Variants in PML observed in about 807,000 individuals in gnomAD.
The protein encoded by PML is PML nuclear body scaffold, also known as protein PML.
PML carries 28 observed loss-of-function variants against 65.2 expected under a neutral mutation model. The observed-to-expected ratio is 0.43, with a 90% CI of 0.32 to 0.59. The LOEUF is 0.59. PML is among the 20% of genes least tolerant of loss of function. PML has a pLI of 0.08. For missense variants in PML, 1,021 were observed against 1,203.4 expected (o/e 0.85, Z 2.24); for synonymous variants, 500 against 508.8 (o/e 0.98, Z 0.23).
chr15:74,024,998 G>A (rs997786776), intron 4 of PML, 71 bp downstream of exon 4: 19 of 975,642 alleles, frequency 1.9e-5, no homozygotes, highest in Non-Finnish European at 3.0e-5. Flanking sequence ...GAGTCCTGCT[G>A]TCCCTGTGTG....
intron 2 of PML, among the ~76,000 whole-genome samples, chr15:74,016,574 T>C (rs1038634430): frequency 6.6e-6 from 1 of 152,026 alleles, no homozygotes; most frequent in Non-Finnish European, 1.5e-5. Flanking sequence ...TAGAATTGAT[T>C]ATAGAAAGTT....
At position 74,023,002 on chromosome 15, in the gene PML, G is replaced by T. The variant is rs756751960; in HGVS notation, c.777G>T (p.Ala259=). 1 of 1,608,932 alleles carries T rather than the reference G, an allele frequency of 6.2e-7. No homozygotes were observed. Among genetic ancestry groups the T allele is most frequent in the Non-Finnish European group, 8.5e-7 (1 of 1,178,794 alleles). ...ATAGTGCCTTTGGCGCGGTTCACGC[G>T]CAGATGCACGCGGCCGTCGGCCAGC... is the stretch of plus-strand genomic sequence containing the variant. ...EQDSAFGAVH[A]QMHAAVGQLG... is the part of the protein sequence containing the mutation. The change falls in exon 3 of 9, where the codon GCG becomes GCT. Residue 259 remains alanine, a synonymous_variant. Coordinates refer to ENST00000268058, the MANE Select transcript of PML (RefSeq NM_033238.3).
Position 73,994,951 on chromosome 15 carries a change from G to C in PML, c.129+10G>C. 1 of 1,531,766 alleles carries C rather than the reference G, an allele frequency of 6.5e-7. No individual in the cohort carries two copies. The highest frequency in any genetic ancestry group is 8.8e-7 in the Non-Finnish European group (1 of 1,136,684). 94.9% of individuals were successfully genotyped at this position (1,531,766 alleles called of 1,614,324 possible). The stretch of plus-strand genomic sequence containing the variant: ...CCCCAGCCCTACAGAGGTACTATTG[G>C]GTTAGGGGATGATGGGGTTAAGCTT... On this transcript the variant is annotated intron_variant, in intron 1 of 8. Coordinates refer to ENST00000268058, the MANE Select transcript of PML (RefSeq NM_033238.3).
rs547285210 is a variant in PML, at chr15:74,046,812, A to C, written c.*1804A>C. 1.3e-5 allele frequency: 3 copies of C among 231,252 alleles called. No homozygotes were observed. Among genetic ancestry groups the C allele is most frequent in the African/African-American group, 6.6e-5 (3 of 45,356 alleles). 14.3% of individuals were successfully genotyped at this position (231,252 alleles called of 1,614,324 possible). Reference sequence around the variant, plus strand: ...CACAGACTCTGCTCAGCATCCCCAGAGGAACCACTGAGAAGCCTTTTGCCT... The same window carrying C: ...CACAGACTCTGCTCAGCATCCCCAGCGGAACCACTGAGAAGCCTTTTGCCT... On this transcript the variant is annotated 3_prime_UTR_variant, in exon 9 of 9. Transcript: ENST00000268058.
chr15:74,046,787 C>T lies in PML; in HGVS notation c.*1779C>T, dbSNP rs532226910. ...AATCTTGAAAGCCTGATGCTCCAAT[C>T]ACAGACTCTGCTCAGCATCCCCAGA... On this transcript the variant is annotated 3_prime_UTR_variant, in exon 9 of 9. Coordinates refer to ENST00000268058, the MANE Select transcript of PML (RefSeq NM_033238.3). 1 of 231,462 alleles carries T rather than the reference C, an allele frequency of 4.3e-6. No homozygotes were observed. Among genetic ancestry groups the T allele is most frequent in the South Asian group, 1.8e-4 (1 of 5,504 alleles). 14.3% of individuals were successfully genotyped at this position (231,462 alleles called of 1,614,324 possible).
intron 4 of PML, among the ~76,000 whole-genome samples, chr15:74,031,898 G>A (rs1229070385): frequency 2.0e-5 from 3 of 152,180 alleles, no homozygotes; most frequent in Admixed American, 6.5e-5. Flanking sequence ...ACCATATGAG[G>A]TAGATGTTAT....
chr15:74,008,474 C>T (rs1187666000), intron 2 of PML, among the ~76,000 whole-genome samples: 1 of 151,636 alleles, frequency 6.6e-6, no homozygotes, highest in Non-Finnish European at 1.5e-5. Flanking sequence ...CGTGGTGGCT[C>T]ACGCCTGTAA....
chr15:74,035,484 C>T lies in PML; in HGVS notation c.1710+954C>T. ...CCGCCTTCGCCATGCCCTCCGCTTGCACCCTCAATTGCATCGGGCCCCTAT... is the reference window on the plus strand; with the variant it reads ...CCGCCTTCGCCATGCCCTCCGCTTGTACCCTCAATTGCATCGGGCCCCTAT... On this transcript the variant is annotated intron_variant, in intron 7 of 8. Transcript: ENST00000268058. The surrounding 1 kb of genome is among the most constrained non-coding windows in gnomAD (Gnocchi z 4.1). 1 of 1,612,470 alleles carries T rather than the reference C, an allele frequency of 6.2e-7. No individual in the cohort carries two copies.
In PML at chr15:74,044,447, G is replaced by C; in HGVS notation, c.2088G>C (p.Arg696Ser). The C allele has an allele frequency of 1.2e-6, 2 of 1,614,208 alleles. No homozygotes were observed. Among genetic ancestry groups the C allele is most frequent in the Non-Finnish European group, 1.7e-6 (2 of 1,180,022 alleles). ...TCCGGGCCCTGGAGGACATTAACAG[G>C]CTGTGGGAATTCCAGGAGGCCATCT... ...NFFRALEDIN[R>S]LWEFQEAISG... Residue 696 changes from arginine (R) to serine (S), a missense_variant, in exon 9 of 9, where the codon AGG becomes AGC. Transcript: ENST00000268058.
At chr15:74,029,706 A>G (rs1332601649) in intron 4 of PML, among the ~76,000 whole-genome samples, 1 of 152,236 alleles carries the variant, frequency 6.6e-6, no homozygotes, top group Non-Finnish European at 1.5e-5. Flanking sequence ...TTTCTATTCT[A>G]TACTATTATT....
At chr15:74,018,117 C>T (rs1430542352) in intron 2 of PML, among the ~76,000 whole-genome samples, 2 of 151,366 alleles carry the variant, frequency 1.3e-5, no homozygotes, top group East Asian at 3.9e-4. Flanking sequence ...ATCAGGAGTT[C>T]GAGACCAGCC....
At chr15:74,036,171 C>A in intron 7 of PML, 1 of 1,601,964 alleles carries the variant, frequency 6.2e-7, no homozygotes, top group South Asian at 1.1e-5. Flanking sequence ...GGCTGAGATT[C>A]AAGCCACCAT....
At position 74,035,486 on chromosome 15, in the gene PML, C is replaced by A. The variant is rs1194128367; in HGVS notation, c.1710+956C>A. ...GCCTTCGCCATGCCCTCCGCTTGCA[C>A]CCTCAATTGCATCGGGCCCCTATTC... On this transcript the variant is annotated intron_variant, in intron 7 of 8. Coordinates refer to ENST00000268058, the MANE Select transcript of PML (RefSeq NM_033238.3). The surrounding 1 kb of genome is among the most constrained non-coding windows in gnomAD (Gnocchi z 4.1). 2 of 1,612,298 alleles carry A rather than the reference C, an allele frequency of 1.2e-6. No homozygotes were observed. Among genetic ancestry groups the A allele is most frequent in the African/African-American group, 2.7e-5 (2 of 74,900 alleles).
rs776599602 is a variant in PML at position 74,032,559 on chromosome 15, C to T, written c.1255-13C>T. ...GCCTAGTCATTTCTGACTCAATTTT[C>T]CCAACTTTGCAGCCCGAGGAGGCAG... On this transcript the variant is annotated splice_polypyrimidine_tract_variant and intron_variant, in intron 4 of 8. Coordinates refer to ENST00000268058, the MANE Select transcript of PML (RefSeq NM_033238.3). 6.2e-7 allele frequency: 1 copy of T among 1,614,132 alleles called. No homozygotes were observed.
chr15:74,031,655 GT>G (rs764438163), intron 4 of PML, among the ~76,000 whole-genome samples: 1 of 152,172 alleles, frequency 6.6e-6, no homozygotes, highest in African/African-American at 2.4e-5. Context: ...TTAACCGTCT[GT>G]TTTCCCTTCT....
intron 2 of PML, among the ~76,000 whole-genome samples, chr15:74,005,116 G>C (rs566176280): frequency 3.9e-5 from 6 of 151,994 alleles, no homozygotes; most frequent in Admixed American, 3.3e-4. Context: ...GCAATGGCAC[G>C]ATCTCGGCTC....
rs762523424 is a variant in PML at position 73,998,148 on chromosome 15, C to G, written c.274C>G (p.Gln92Glu). 5.0e-6 allele frequency: 8 copies of G among 1,614,204 alleles called. No individual in the cohort carries two copies. In the South Asian group the frequency reaches 8.8e-5, roughly 18 times the overall value. Residue 92 changes from glutamine (Q) to glutamate (E), a missense_variant, in exon 2 of 9, where the codon CAG becomes GAG. Coordinates refer to ENST00000268058, the MANE Select transcript of PML (RefSeq NM_033238.3). Reference sequence around the variant, plus strand: ...GTCGGGCATGCAGTGCCCCATCTGCCAGGCGCCCTGGCCCCTAGGTGCAGA... The same window carrying G: ...GTCGGGCATGCAGTGCCCCATCTGCGAGGCGCCCTGGCCCCTAGGTGCAGA... The part of the protein sequence containing the change: ...EASGMQCPIC[Q>E]APWPLGADTP...
intron 3 of PML, among the ~76,000 whole-genome samples, chr15:74,024,543 A>G (rs1257485988): frequency 1.3e-5 from 2 of 152,220 alleles, no homozygotes; most frequent in Non-Finnish European, 2.9e-5. Flanking sequence ...GCCGGTAGTG[A>G]TGGCTTTATG....
At chr15:73,995,836 C>A (rs2069463275) in intron 1 of PML, among the ~76,000 whole-genome samples, 2 of 152,130 alleles carry the variant, frequency 1.3e-5, no homozygotes, top group South Asian at 2.1e-4. Flanking sequence ...CTCACTGCAA[C>A]CTCCTCCTTC....
Sources: gnomAD v4.1 joint callset for allele counts (sites outside exome capture counted in the v4.1 genomes callset) on GRCh38, gnomAD v4.1.1 for gene constraint, Gnocchi (gnomAD v3.1) non-coding constraint, MANE v1.5 for transcripts, NCBI Gene and HGNC (gene_info 2026-07-23, HGNC 2026-07-21) for gene names.